ADGRL2: variants seen among roughly 807,000 people sequenced by gnomAD.
The protein encoded by ADGRL2 is adhesion G protein-coupled receptor L2.
A neutral mutation model predicts 157.4 loss-of-function variants in ADGRL2; 44 were observed. The ratio of observed to expected loss-of-function variants is 0.28; its 90% CI spans 0.22 to 0.36. The LOEUF is 0.36. Among genes scored for constraint, ADGRL2 ranks in the 10% least tolerant of loss-of-function variants. ADGRL2 has a pLI of 1.00. For synonymous variants in ADGRL2, 585 were observed against 624.7 expected, an observed-to-expected ratio of 0.94 and a Z score of 0.95; for missense variants, 1,510 against 1,768.9, an observed-to-expected ratio of 0.85 and a Z score of 2.63.
At chr1:81,700,203 T>C (rs1240833580) in intron 1 of ADGRL2, among the ~76,000 whole-genome samples, 1 of 152,236 alleles carries the variant, frequency 6.6e-6, no homozygotes, top group Non-Finnish European at 1.5e-5. Flanking sequence ...GCTCTGAAGA[T>C]GTCTTTTCAA....
intron 3 of ADGRL2, among the ~76,000 whole-genome samples, chr1:81,636,529 G>T (rs2148781152): frequency 6.6e-6 from 1 of 151,972 alleles, no homozygotes; most frequent in South Asian, 2.1e-4. Flanking sequence ...AACTCTAATG[G>T]GAATGGATGG....
chr1:81,526,431 T>C (rs1298752624), intron 2 of ADGRL2, among the ~76,000 whole-genome samples: 2 of 152,220 alleles, frequency 1.3e-5, no homozygotes, highest in Non-Finnish European at 2.9e-5. Flanking sequence ...TATAGCTTGA[T>C]AGGTAGCAAA....
chr1:81,599,438 A>G (rs764304119), intron 3 of ADGRL2, among the ~76,000 whole-genome samples: 23 of 152,176 alleles, frequency 1.5e-4, no homozygotes, highest in Non-Finnish European at 3.1e-4. Flanking sequence ...TCCTGGAGGT[A>G]GAAGGTAAAA....
chr1:81,911,283 A>G (rs3790913), intron 3 of ADGRL2, among the ~76,000 whole-genome samples: 27,675 of 152,156 alleles, frequency 0.18, 3,259 homozygotes, highest in East Asian at 0.62. Flanking sequence ...TTTATAGAAC[A>G]GTCACCATTT....
chr1:81,613,026 AATAGGGAAGAG>A (rs1482994961), intron 3 of ADGRL2, among the ~76,000 whole-genome samples: 1 of 152,196 alleles, frequency 6.6e-6, no homozygotes, highest in Middle Eastern at 3.2e-3. Flanking sequence ...AGACTGCATA[AATAGGGAAGAG>A]ACAAGGAAAC....
upstream of ADGRL2, chr1:81,800,273 A>C (rs1312011516): frequency 6.6e-6 from 1 of 152,198 alleles, no homozygotes; most frequent in Admixed American, 6.5e-5. Context: ...AACTACAAAG[A>C]AAAAAATCAT....
intron 2 of ADGRL2, among the ~76,000 whole-genome samples, chr1:81,849,364 A>C (rs1417513957): frequency 6.6e-6 from 1 of 151,814 alleles, no homozygotes; most frequent in Non-Finnish European, 1.5e-5. Context: ...CAACAATAAA[A>C]CCCCGTAACC....
At chr1:81,547,161 C>T (rs1026132605) in intron 2 of ADGRL2, among the ~76,000 whole-genome samples, 2 of 152,188 alleles carry the variant, frequency 1.3e-5, no homozygotes, top group African/African-American at 4.8e-5. Context: ...TGGTTCGTTT[C>T]ACAGGACACT....
At chr1:81,760,748 A>C (rs958703067) in intron 1 of ADGRL2, among the ~76,000 whole-genome samples, 1 of 150,962 alleles carries the variant, frequency 6.6e-6, no homozygotes, top group Non-Finnish European at 1.5e-5. Flanking sequence ...CAGATTGATG[A>C]GTTATAATAT....
chr1:81,974,394 ATAAT>A (rs1376479783), intron 17 of ADGRL2, among the ~76,000 whole-genome samples: 2 of 152,148 alleles, frequency 1.3e-5, no homozygotes, highest in Admixed American at 6.5e-5. Context: ...TGCATCGTTA[ATAAT>A]TAATTCAGTT....
chr1:81,892,253 T>G (rs1022956059), intron 2 of ADGRL2, among the ~76,000 whole-genome samples: 1 of 152,086 alleles, frequency 6.6e-6, no homozygotes. Flanking sequence ...CGGAATTACT[T>G]TTCACTGTAA....
intron 1 of ADGRL2, among the ~76,000 whole-genome samples, chr1:81,807,763 G>A (rs1321528994): frequency 6.6e-6 from 1 of 151,612 alleles, no homozygotes; most frequent in African/African-American, 2.4e-5. Context: ...TTTTCTTAAT[G>A]TTTTGATTGT....
At chr1:81,919,884 T>G (rs2094938794) in intron 3 of ADGRL2, among the ~76,000 whole-genome samples, 1 of 152,192 alleles carries the variant, frequency 6.6e-6, no homozygotes, top group South Asian at 2.1e-4. Flanking sequence ...TTATATATCT[T>G]GCCATTTATT....
At chr1:81,522,795 C>T (rs1372932192) in intron 2 of ADGRL2, among the ~76,000 whole-genome samples, 1 of 152,004 alleles carries the variant, frequency 6.6e-6, no homozygotes, top group African/African-American at 2.4e-5. Flanking sequence ...TTTTTGCGTG[C>T]TTGATTGTTT....
chr1:81,907,358 T>TA, intron 3 of ADGRL2, 128 bp downstream of exon 3: 1 of 685,976 alleles, frequency 1.5e-6, no homozygotes, highest in Non-Finnish European at 2.5e-6. Context: ...GTTGGGTTTT[T>TA]ACCTACTAAT....
chr1:81,828,704 C>A (rs1235982421), intron 1 of ADGRL2, among the ~76,000 whole-genome samples: 1 of 151,976 alleles, frequency 6.6e-6, no homozygotes. Flanking sequence ...TGAAAAAGCT[C>A]TTTTCTAAAA....
intron 1 of ADGRL2, among the ~76,000 whole-genome samples, chr1:81,836,395 C>T (rs929514384): frequency 6.6e-6 from 1 of 152,024 alleles, no homozygotes; most frequent in Non-Finnish European, 1.5e-5. Flanking sequence ...CATTATAAGG[C>T]TAATGTTTGC....
At chr1:81,906,684 T>A (rs1450468291) in intron 2 of ADGRL2, among the ~76,000 whole-genome samples, 3 of 151,840 alleles carry the variant, frequency 2.0e-5, no homozygotes, top group Non-Finnish European at 4.4e-5. Flanking sequence ...GATTAGTAGT[T>A]ATATTTTCTG....
At chr1:81,306,850 G>A (rs1659371079) in intron 1 of ADGRL2, among the ~76,000 whole-genome samples, 2 of 149,672 alleles carry the variant, frequency 1.3e-5, no homozygotes, top group African/African-American at 2.5e-5. Flanking sequence ...GCCAATAATA[G>A]CCAAGTGTAA....
Sources: gnomAD v4.1 joint callset for allele counts (sites outside exome capture counted in the v4.1 genomes callset) on GRCh38, gnomAD v4.1.1 for gene constraint, MANE v1.5 for transcripts, NCBI Gene and HGNC (gene_info 2026-07-23, HGNC 2026-07-21) for gene names.